Variants in GCNT1 observed in about 807,000 individuals in gnomAD.
GCNT1 encodes the protein beta-1,3-galactosyl-O-glycosyl-glycoprotein beta-1,6-N-acetylglucosaminyltransferase.
Under a neutral mutation model 26.2 loss-of-function variants are expected in GCNT1, and 16 were observed. The observed-to-expected ratio is 0.61, with a 90% confidence interval of 0.41 to 0.93. The LOEUF (loss-of-function observed/expected upper bound fraction) is 0.93. Among genes scored for constraint, GCNT1 ranks in the 40% least tolerant of loss-of-function variants. GCNT1 has a pLI of 0.00. For missense variants in GCNT1, 477 were observed against 526.7 expected (o/e 0.91, Z 0.92); for synonymous variants, 183 against 190.8 (o/e 0.96, Z 0.34).
intron 2 of GCNT1, among the ~76,000 whole-genome samples, chr9:76,464,234 G>C (rs989930752): frequency 2.0e-5 from 3 of 151,928 alleles, no homozygotes; most frequent in African/African-American, 7.3e-5. Flanking sequence ...TTTGTTTGTT[G>C]CAGACAGGGT....
rs117906150 is a variant in GCNT1 at position 76,493,706 on chromosome 9, G to A, written c.-289-7210G>A. 4.3e-4 allele frequency among the ~76,000 whole-genome samples: 65 copies of A among 152,276 alleles called. 1 individual carries two copies. In the East Asian group the frequency reaches 0.012, roughly 28 times the overall value. On this transcript the variant is annotated intron_variant, in intron 2 of 3. Transcript: ENST00000376730. The stretch of plus-strand genomic sequence containing the variant: ...GAGAGCTATAGGGAGGCTAGGATAT[G>A]GAGATAAGCTGAGAGGTCATCCTGT...
At chr9:76,426,979 T>C (rs889212628) in intron 1 of GCNT1, among the ~76,000 whole-genome samples, 3 of 152,130 alleles carry the variant, frequency 2.0e-5, no homozygotes, top group African/African-American at 7.2e-5. Context: ...CCCAAATTCA[T>C]AAGTTAAAGT....
chr9:76,413,633 GGTTTTTTTTGTTTTGTTTT>G, the GCNT1 span, among the ~76,000 whole-genome samples: 4 of 146,174 alleles, frequency 2.7e-5, no homozygotes, highest in Admixed American at 2.1e-4. Flanking sequence ...ATATGCCTAG[GGTTTTTTTTGTTTTGTTTT>G]GTTTTTTTTT....
intron 1 of GCNT1, among the ~76,000 whole-genome samples, chr9:76,434,531 TTAACTG>T (rs1398652160): frequency 6.6e-6 from 1 of 152,238 alleles, no homozygotes; most frequent in African/African-American, 2.4e-5. Flanking sequence ...GATGATTGTG[TTAACTG>T]TACAAATTGA....
At chr9:76,431,878 G>T (rs556780809) in intron 1 of GCNT1, among the ~76,000 whole-genome samples, 1 of 152,198 alleles carries the variant, frequency 6.6e-6, no homozygotes, top group Non-Finnish European at 1.5e-5. Context: ...GCGAGGCGAG[G>T]TGGATGGATC....
the GCNT1 span, chr9:76,398,729 A>G: frequency 1.5e-6 from 2 of 1,303,638 alleles, no homozygotes; most frequent in African/African-American, 2.9e-5. Context: ...CCTGCAAATG[A>G]AGGAGGAGGA....
chr9:76,452,629 C>T (rs1306217232), intron 1 of GCNT1, among the ~76,000 whole-genome samples: 2 of 151,996 alleles, frequency 1.3e-5, no homozygotes, highest in African/African-American at 2.4e-5. Context: ...GTGCCACATA[C>T]TTTTAAACAA....
Position 76,501,731 on chromosome 9 carries a change from G to T in GCNT1, c.-143-508G>T, listed in dbSNP as rs1393789845. ...CCAAATCCTAAATCAGCAAAAAGCA[G>T]AATGGATCTGATCTCTTTTAGGGCT... On this transcript the variant is annotated intron_variant, in intron 3 of 3. Coordinates refer to ENST00000376730, the MANE Select transcript of GCNT1 (RefSeq NM_001490.5). 5 of 152,164 alleles carry T rather than the reference G, an allele frequency of 3.3e-5. No homozygotes were observed. In the East Asian group the frequency reaches 9.6e-4, roughly 29 times the overall value. The allele number at this position is 152,164 out of a possible 1,614,324, so 9.4% of individuals were successfully genotyped here. A position where few individuals can be genotyped will look rare whatever the true frequency, so the allele number is the denominator to read the frequency against.
Position 76,443,993 on chromosome 9 carries a change from GA to G in GCNT1, c.-290+1685del, listed in dbSNP as rs982891309. 5.0e-4 allele frequency among the ~76,000 whole-genome samples: 75 copies of G among 149,392 alleles called. 1 individual carries two copies. The South Asian group carries it at 0.016, about 31-fold the overall frequency. On this transcript the variant is annotated intron_variant, in intron 1 of 2. Coordinates refer to the GCNT1 transcript ENST00000442371. ...AGGAAGGAAGGAAGGAAGGAAGGAA[GA>G]AAAAAAGAGCCAGAAGCATTTGTTG...
chr9:76,488,433 A>G (rs1413081163), intron 2 of GCNT1, among the ~76,000 whole-genome samples: 1 of 151,660 alleles, frequency 6.6e-6, no homozygotes, highest in East Asian at 1.9e-4. Context: ...CAGTTTGTCT[A>G]TTTGCTTAAC....
At chr9:76,416,016 C>A (rs1823129269), upstream of GCNT1, among the ~76,000 whole-genome samples, 1 of 152,096 alleles carries the variant, frequency 6.6e-6, no homozygotes, top group Admixed American at 6.6e-5. Flanking sequence ...TGGCAAAGGC[C>A]CTACCCACAA....
Position 76,443,527 on chromosome 9 carries a change from T to A in GCNT1, c.-290+1212T>A, listed in dbSNP as rs139969572. 2.0e-3 allele frequency among the ~76,000 whole-genome samples: 300 copies of A among 152,360 alleles called. 1 individual carries two copies. Among genetic ancestry groups the A allele is most frequent in the African/African-American group, 7.0e-3 (291 of 41,586 alleles). ...CTATTGTTTGTGGCTTAAGAATGCC[T>A]TTAAGCGGTTTTCCACCCTGGGTGG... On this transcript the variant is annotated intron_variant, in intron 1 of 2. Coordinates refer to the GCNT1 transcript ENST00000442371.
At chr9:76,394,209 T>A in the GCNT1 span, 21 of 1,550,054 alleles carry the variant, frequency 1.4e-5, no homozygotes, top group Non-Finnish European at 1.7e-5. Context: ...CGGCCCGGTC[T>A]GCGCGTCCTG....
intron 2 of GCNT1, among the ~76,000 whole-genome samples, chr9:76,498,978 G>A (rs1466811226): frequency 1.3e-5 from 2 of 151,626 alleles, no homozygotes; most frequent in African/African-American, 4.8e-5. Context: ...TTGAGTTGCT[G>A]TCTAGAATCT....
chr9:76,413,004 C>G, the GCNT1 span, among the ~76,000 whole-genome samples: 12 of 152,368 alleles, frequency 7.9e-5, no homozygotes, highest in Admixed American at 3.9e-4. Flanking sequence ...CTCATTCTCT[C>G]TCTTGCTCCT....
chr9:76,432,424 T>C (rs1823348636), intron 1 of GCNT1, among the ~76,000 whole-genome samples: 1 of 152,144 alleles, frequency 6.6e-6, no homozygotes, highest in Non-Finnish European at 1.5e-5. Flanking sequence ...CTCACTGCAG[T>C]CTCAACCTTC....
chr9:76,446,088 T>C (rs1027498736), intron 1 of GCNT1, among the ~76,000 whole-genome samples: 3 of 152,088 alleles, frequency 2.0e-5, no homozygotes, highest in African/African-American at 7.2e-5. Flanking sequence ...AGAATGTAAA[T>C]TGGAACAATT....
upstream of GCNT1, among the ~76,000 whole-genome samples, chr9:76,415,857 G>A (rs907673195): frequency 4.6e-5 from 7 of 152,268 alleles, no homozygotes; most frequent in African/African-American, 1.7e-4. Context: ...TTTGTATGGT[G>A]TGCCCACAAA....
At chr9:76,468,193 C>T (rs539531711) in intron 2 of GCNT1, among the ~76,000 whole-genome samples, 2 of 151,992 alleles carry the variant, frequency 1.3e-5, no homozygotes, top group South Asian at 2.1e-4. Flanking sequence ...CACCGCGCGC[C>T]GACCCTCCTT....
Sources: allele counts gnomAD v4.1 joint callset (sites outside exome capture counted in the v4.1 genomes callset), GRCh38; gene constraint gnomAD v4.1.1; transcripts MANE v1.5; gene names NCBI Gene and HGNC (gene_info 2026-07-23, HGNC 2026-07-21).